The following DNAH8 variants were observed in gnomAD, a reference collection of about 807,000 sequenced individuals.
DNAH8 encodes the protein dynein axonemal heavy chain 8.
DNAH8 carries 382 observed loss-of-function variants against 562.1 expected under a neutral mutation model. That is an observed-to-expected ratio of 0.68 (90% confidence interval 0.63 to 0.74). The LOEUF (loss-of-function observed/expected upper bound fraction) is 0.74, where lower values mean the gene tolerates loss of function less well. Among genes scored for constraint, DNAH8 ranks in the 30% least tolerant of loss-of-function variants. The probability of loss-of-function intolerance (pLI) is 0.00; values close to 1 mark genes in which losing one functional copy is unlikely to be tolerated. For missense variants in DNAH8, 5,203 were observed against 5,620.4 expected, an observed-to-expected ratio of 0.93 and a Z score of 2.37; for synonymous variants, 1,881 against 1,919.4, an observed-to-expected ratio of 0.98 and a Z score of 0.52.
Position 38,823,543 on chromosome 6 carries a change from G to A in DNAH8, c.3721-19G>A, listed in dbSNP as rs373163028. ...TATACTGTTAAAAAATTAAAATATT[G>A]ACTATTTTCTTACCACAGGAATTTT... On this transcript the variant is annotated intron_variant, in intron 27 of 92. Coordinates refer to ENST00000327475, the MANE Select transcript of DNAH8 (RefSeq NM_001206927.2). 4.5e-6 allele frequency: 7 copies of A among 1,567,138 alleles called. No individual in the cohort carries two copies. Among genetic ancestry groups the A allele is most frequent in the African/African-American group, 2.7e-5 (2 of 73,390 alleles).
At chr6:38,787,857 A>G (rs762339997) in intron 18 of DNAH8, among the ~76,000 whole-genome samples, 1 of 152,194 alleles carries the variant, frequency 6.6e-6, no homozygotes, top group Non-Finnish European at 1.5e-5. Context: ...GCCAGTTAAA[A>G]CAGCAAGCTG....
chr6:38,780,150 C>A, intron 15 of DNAH8, 85 bp downstream of exon 15: 1 of 1,281,670 alleles, frequency 7.8e-7, no homozygotes. Flanking sequence ...TGTCTCATGC[C>A]AAGCTTTTCA....
At chr6:38,918,222 G>T (rs546345679) in intron 70 of DNAH8, 82 bp downstream of exon 70, 4 of 1,026,840 alleles carry the variant, frequency 3.9e-6, no homozygotes, top group Non-Finnish European at 5.7e-6. Flanking sequence ...AAGACAATGC[G>T]TAGTTTAGAC....
intron 91 of DNAH8, among the ~76,000 whole-genome samples, chr6:39,018,197 C>T (rs1366724226): frequency 6.6e-6 from 1 of 152,224 alleles, no homozygotes; most frequent in African/African-American, 2.4e-5. Context: ...CTTTTACGCA[C>T]TGGCCTTAGA....
rs759673327 is a variant in DNAH8, at chr6:38,807,620, A to C, written c.3161A>C (p.Glu1054Ala). ...KEDEFKKECKEVFAFFSHQLL... is the reference protein window; with the variant it reads ...KEDEFKKECKAVFAFFSHQLL... Reference sequence around the variant, plus strand: ...GATTTCTTATTACAGGAGTGTAAAGAGGTCTTTGCTTTTTTCTCTCATCAA... The same window carrying C: ...GATTTCTTATTACAGGAGTGTAAAGCGGTCTTTGCTTTTTTCTCTCATCAA... The change falls in exon 24 of 93, where the codon GAG becomes GCG. Residue 1054 changes from glutamate (E) to alanine (A), a missense_variant. Transcript: ENST00000327475. 1 of 1,530,878 alleles carries C rather than the reference A, an allele frequency of 6.5e-7. No homozygotes were observed. The highest frequency in any genetic ancestry group is 1.4e-5 in the African/African-American group (1 of 71,684). 94.8% of individuals were successfully genotyped at this position (1,530,878 alleles called of 1,614,324 possible).
rs369355205 is a variant in DNAH8 at position 39,030,291 on chromosome 6, C to G, written c.14023C>G (p.Arg4675Gly). The G allele has an allele frequency of 6.2e-6, 10 of 1,613,958 alleles. 1 individual carries two copies. The Middle Eastern group carries it at 6.6e-4, about 106-fold the overall frequency. ...GTGTCCTATTTACAAGAAACCCAGG[C>G]GAACTGATTTGACCTTCATCACTGT... ...YVCPIYKKPR[R>G]TDLTFITVVY... The change falls in exon 93 of 93, where the codon CGA becomes GGA. Residue 4675 changes from arginine to glycine, a missense_variant. Physicochemically the swap from Arg to Gly is moderately radical, Grantham distance 125. Transcript: ENST00000327475.
intron 82 of DNAH8, among the ~76,000 whole-genome samples, chr6:38,962,852 A>G (rs1314986834): frequency 1.3e-5 from 2 of 152,210 alleles, no homozygotes; most frequent in African/African-American, 4.8e-5. Context: ...ATTGGAGACC[A>G]TTATTCTAAG....
At chr6:38,871,035 A>T (rs1777432595) in intron 49 of DNAH8, among the ~76,000 whole-genome samples, 1 of 152,234 alleles carries the variant, frequency 6.6e-6, no homozygotes. Context: ...CTTTCTGTTC[A>T]TCACATTTCA....
Position 38,921,472 on chromosome 6 carries a change from A to G in DNAH8, c.10628A>G (p.Gln3543Arg). The change falls in exon 71 of 93, where the codon CAG becomes CGG. Residue 3543 changes from glutamine to arginine, a missense_variant. By Grantham distance (43) the Gln-to-Arg change is conservative. Around this residue, in one of 6 missense-constraint regions of DNAH8, gnomAD observed 1,399 missense variants for 1,518.4 expected, o/e 0.92. Transcript: ENST00000327475. ...DEKQAELDKV[Q>R]AKFDAAMNEK... Reference sequence around the variant, plus strand: ...AAGCAAGCTGAGCTGGATAAAGTACAGGCAAAATTTGATGCAGCAATGAAT... The same window carrying G: ...AAGCAAGCTGAGCTGGATAAAGTACGGGCAAAATTTGATGCAGCAATGAAT... 8 of 1,613,632 alleles carry G rather than the reference A, an allele frequency of 5.0e-6. No homozygotes were observed. The highest frequency in any genetic ancestry group is 6.8e-6 in the Non-Finnish European group (8 of 1,179,776).
chr6:38,967,722 A>C (rs1763067255), intron 82 of DNAH8, among the ~76,000 whole-genome samples: 1 of 152,166 alleles, frequency 6.6e-6, no homozygotes, highest in Non-Finnish European at 1.5e-5. Context: ...GATTTAACTC[A>C]ATCCCTATAA....
At chr6:38,810,060 C>T (rs1448793067) in intron 24 of DNAH8, among the ~76,000 whole-genome samples, 2 of 152,130 alleles carry the variant, frequency 1.3e-5, no homozygotes, top group Non-Finnish European at 2.9e-5. Context: ...CCTTCAGTCT[C>T]ATTATTTCTG....
Position 38,823,027 on chromosome 6 carries a change from A to T in DNAH8, c.3713A>T (p.Lys1238Ile). 1.3e-6 allele frequency: 2 copies of T among 1,572,368 alleles called. No individual in the cohort carries two copies. The highest frequency in any genetic ancestry group is 1.7e-6 in the Non-Finnish European group (2 of 1,165,246). ...KTLWTEDRDV[K>I]VKEFLANNPS... Reference sequence around the variant, plus strand: ...CTCTGGACAGAGGACCGCGATGTGAAAGTGAAGGTGTCTTTCTGCTACTTG... The same window carrying T: ...CTCTGGACAGAGGACCGCGATGTGATAGTGAAGGTGTCTTTCTGCTACTTG... Residue 1238 changes from lysine (K) to isoleucine (I), a missense_variant, in exon 27 of 93, where the codon AAA (lysine) becomes ATA (isoleucine). Coordinates refer to ENST00000327475, the MANE Select transcript of DNAH8 (RefSeq NM_001206927.2).
At chr6:38,740,177 T>G (rs1267462616) in intron 7 of DNAH8, among the ~76,000 whole-genome samples, 1 of 152,234 alleles carries the variant, frequency 6.6e-6, no homozygotes, top group African/African-American at 2.4e-5. Context: ...TTACATTGAC[T>G]GTTGCAGGCT....
chr6:39,000,449 A>G (rs1583543497), intron 88 of DNAH8, among the ~76,000 whole-genome samples: 2 of 152,286 alleles, frequency 1.3e-5, no homozygotes, highest in East Asian at 3.9e-4. Flanking sequence ...GCAGGAGGTG[A>G]GCAGCAGGTG....
intron 57 of DNAH8, among the ~76,000 whole-genome samples, chr6:38,890,245 G>A (rs1390685344): frequency 6.6e-6 from 1 of 152,148 alleles, no homozygotes; most frequent in African/African-American, 2.4e-5. Flanking sequence ...AGATGAGGGA[G>A]TACTCTCTAA....
chr6:38,835,257 G>A (rs543501850), intron 32 of DNAH8, among the ~76,000 whole-genome samples: 1 of 151,490 alleles, frequency 6.6e-6, no homozygotes, highest in South Asian at 2.1e-4. Flanking sequence ...GTTTCCCACA[G>A]TGGCTGAATA....
intron 64 of DNAH8, 134 bp downstream of exon 64, chr6:38,908,254 C>G (rs1474018180): frequency 2.0e-6 from 1 of 509,936 alleles, no homozygotes; most frequent in Non-Finnish European, 3.3e-6. Context: ...CACTTTTGTA[C>G]CACACAATCT....
At chr6:38,972,835 A>G (rs543630595) in intron 83 of DNAH8, among the ~76,000 whole-genome samples, 2 of 152,320 alleles carry the variant, frequency 1.3e-5, no homozygotes, top group East Asian at 3.9e-4. Context: ...GACACAAACT[A>G]ATCCTGAATG....
intron 82 of DNAH8, among the ~76,000 whole-genome samples, chr6:38,962,007 T>C (rs749315240): frequency 4.6e-5 from 7 of 151,966 alleles, no homozygotes; most frequent in Non-Finnish European, 8.8e-5. Flanking sequence ...AAGATAAATA[T>C]ATAAAAAATG....
Sources: allele counts gnomAD v4.1 joint callset (sites outside exome capture counted in the v4.1 genomes callset), GRCh38; gene constraint gnomAD v4.1.1; regional missense constraint gnomAD v4.1.1; transcripts MANE v1.5; gene names NCBI Gene and HGNC (gene_info 2026-07-23, HGNC 2026-07-21).